Variants in MGMT observed in about 807,000 individuals in gnomAD.
MGMT encodes the protein methylated-DNA--protein-cysteine methyltransferase.
MGMT carries 14 observed loss-of-function variants against 15.9 expected under a neutral mutation model. The ratio of observed to expected loss-of-function variants is 0.88; its 90% CI spans 0.58 to 1.37. MGMT has a LOEUF of 1.37. MGMT is among the 40% of genes most tolerant of loss of function. The probability of loss-of-function intolerance (pLI) is 0.00; values close to 1 mark genes in which losing one functional copy is unlikely to be tolerated. For missense variants in MGMT, 282 were observed against 268.1 expected (o/e 1.05, Z -0.36); for synonymous variants, 130 against 118.2 (o/e 1.10, Z -0.65).
chr10:129,599,116 T>G (rs1846787285), intron 2 of MGMT, among the ~76,000 whole-genome samples: 1 of 152,194 alleles, frequency 6.6e-6, no homozygotes, highest in Non-Finnish European at 1.5e-5. Context: ...TAGGCTCAGA[T>G]GGACAGAAAA....
intron 3 of MGMT, among the ~76,000 whole-genome samples, chr10:129,751,956 A>G (rs561469023): frequency 8.6e-5 from 13 of 152,034 alleles, no homozygotes; most frequent in African/African-American, 2.9e-4. Context: ...TTTTATGCAC[A>G]CTTGAAAAGA....
chr10:129,642,500 T>A (rs1353499468), intron 2 of MGMT, among the ~76,000 whole-genome samples: 2 of 152,174 alleles, frequency 1.3e-5, no homozygotes, highest in African/African-American at 4.8e-5. Flanking sequence ...AAATAGTGAT[T>A]ATCTCTGAAG....
At position 129,536,389 on chromosome 10, in the gene MGMT, C is replaced by A; in HGVS notation, c.125+12C>A. On this transcript the variant is annotated intron_variant, in intron 2 of 4. Coordinates refer to ENST00000651593, the MANE Select transcript of MGMT (RefSeq NM_002412.5). ...ACGTCTGCAGCTGAGTAAGTATGAGCCCACGTGATCCTGTATACCGCACAT... is the reference window on the plus strand; with the variant it reads ...ACGTCTGCAGCTGAGTAAGTATGAGACCACGTGATCCTGTATACCGCACAT... 1 of 1,608,976 alleles carries A rather than the reference C, an allele frequency of 6.2e-7. No individual in the cohort carries two copies. Among genetic ancestry groups the A allele is most frequent in the South Asian group, 1.1e-5 (1 of 90,454 alleles).
intron 1 of MGMT, among the ~76,000 whole-genome samples, chr10:129,496,296 G>A (rs1031640348): frequency 2.0e-5 from 3 of 152,068 alleles, no homozygotes; most frequent in African/African-American, 7.2e-5. Flanking sequence ...TCCGATTCTT[G>A]CCTGGGTGTT....
intron 2 of MGMT, among the ~76,000 whole-genome samples, chr10:129,667,395 C>T (rs1485774997): frequency 6.6e-6 from 1 of 152,108 alleles, no homozygotes; most frequent in African/African-American, 2.4e-5. Context: ...TTCTTTATTG[C>T]AGGCTCCTTT....
chr10:129,676,314 C>T (rs887774984), intron 2 of MGMT, among the ~76,000 whole-genome samples: 10 of 152,192 alleles, frequency 6.6e-5, no homozygotes, highest in African/African-American at 2.2e-4. Context: ...TGGCCAGGCT[C>T]GGTGTGGGCG....
intron 1 of MGMT, among the ~76,000 whole-genome samples, chr10:129,529,009 A>G (rs1845901194): frequency 6.6e-6 from 1 of 152,128 alleles, no homozygotes; most frequent in Non-Finnish European, 1.5e-5. Context: ...CAGAGAAAGA[A>G]GGGGTGGAGG....
chr10:129,766,634 C>T (rs1404670573), intron 4 of MGMT, among the ~76,000 whole-genome samples, 154 bp from the exon 5 acceptor site: 1 of 152,218 alleles, frequency 6.6e-6, no homozygotes, highest in African/African-American at 2.4e-5. Context: ...CATGCTGAGA[C>T]ATAGCTGACA....
At chr10:129,744,400 C>T (rs979391056) in intron 3 of MGMT, among the ~76,000 whole-genome samples, 2 of 152,242 alleles carry the variant, frequency 1.3e-5, no homozygotes, top group African/African-American at 4.8e-5. Context: ...TGTGTGACAT[C>T]GTGTCCCTGC....
chr10:129,723,534 CAATG>C (rs982867825), intron 3 of MGMT, among the ~76,000 whole-genome samples: 23 of 152,076 alleles, frequency 1.5e-4, no homozygotes, highest in African/African-American at 2.4e-4. Flanking sequence ...AAATAAAAAA[CAATG>C]AAAGAAATTA....
chr10:129,535,724 C>A (rs1036805554), intron 1 of MGMT, among the ~76,000 whole-genome samples: 3 of 152,234 alleles, frequency 2.0e-5, no homozygotes, highest in Admixed American at 2.0e-4. Flanking sequence ...CATTGCTCAT[C>A]CTCTCCGGGC....
intron 2 of MGMT, among the ~76,000 whole-genome samples, chr10:129,704,682 C>T (rs775152021): frequency 8.5e-5 from 13 of 152,060 alleles, no homozygotes; most frequent in Non-Finnish European, 1.6e-4. Flanking sequence ...TCCTTAAAAC[C>T]GTCAGGATTT....
intron 3 of MGMT, among the ~76,000 whole-genome samples, chr10:129,738,112 C>G (rs970086978): frequency 6.6e-6 from 1 of 152,248 alleles, no homozygotes; most frequent in African/African-American, 2.4e-5. Flanking sequence ...GCGTTGTTAA[C>G]CTAAGCAAGC....
At chr10:129,757,563 C>G (rs1848821751) in intron 3 of MGMT, among the ~76,000 whole-genome samples, 1 of 152,228 alleles carries the variant, frequency 6.6e-6, no homozygotes, top group Non-Finnish European at 1.5e-5. Flanking sequence ...TTCATTGTTT[C>G]TTTTCCAAGA....
At chr10:129,574,685 G>A (rs1281150050) in intron 2 of MGMT, among the ~76,000 whole-genome samples, 1 of 152,080 alleles carries the variant, frequency 6.6e-6, no homozygotes, top group Admixed American at 6.6e-5. Context: ...CTATTAAAGG[G>A]GATTGCACCA....
At chr10:129,589,464 T>C (rs1275007957) in intron 2 of MGMT, among the ~76,000 whole-genome samples, 2 of 152,274 alleles carry the variant, frequency 1.3e-5, no homozygotes, top group Non-Finnish European at 2.9e-5. Flanking sequence ...CTCAGTCGCA[T>C]TGTGGCTCAC....
chr10:129,727,716 G>A lies in MGMT; in HGVS notation c.274+19673G>A, dbSNP rs375415722. Reference sequence around the variant, plus strand: ...GTACAAATGCTGTAGGAGATGCAAAGGTGACTCGCAGCATCCCCCAAGAAT... The same window carrying A: ...GTACAAATGCTGTAGGAGATGCAAAAGTGACTCGCAGCATCCCCCAAGAAT... On this transcript the variant is annotated intron_variant, in intron 3 of 4. Coordinates refer to ENST00000651593, the MANE Select transcript of MGMT (RefSeq NM_002412.5). Among the ~76,000 whole-genome samples, 6 of 152,304 alleles carry A rather than the reference G, an allele frequency of 3.9e-5. No homozygotes were observed. The South Asian group carries it at 6.2e-4, about 16-fold the overall frequency.
At chr10:129,567,301 C>T (rs1846367293) in intron 2 of MGMT, among the ~76,000 whole-genome samples, 1 of 152,124 alleles carries the variant, frequency 6.6e-6, no homozygotes, top group Non-Finnish European at 1.5e-5. Flanking sequence ...ATGACTGCTC[C>T]CTGCCACCTC....
chr10:129,611,443 T>G (rs1423734044), intron 2 of MGMT, among the ~76,000 whole-genome samples: 1 of 152,190 alleles, frequency 6.6e-6, no homozygotes, highest in Non-Finnish European at 1.5e-5. Flanking sequence ...GGGGGAAATC[T>G]GCCCCTGTGA....
Sources: allele counts gnomAD v4.1 joint callset (sites outside exome capture counted in the v4.1 genomes callset), GRCh38; gene constraint gnomAD v4.1.1; transcripts MANE v1.5; gene names NCBI Gene and HGNC (gene_info 2026-07-23, HGNC 2026-07-21).